The following ICA1 variants were observed in gnomAD, a reference collection of about 807,000 sequenced individuals.
The protein encoded by ICA1 is islet cell autoantigen 1, also known as 69 kDa islet cell autoantigen.
A neutral mutation model predicts 71.0 loss-of-function variants in ICA1; 40 were observed. The ratio of observed to expected loss-of-function variants is 0.56; its 90% confidence interval spans 0.44 to 0.73. The LOEUF (loss-of-function observed/expected upper bound fraction) is 0.73, where lower values mean the gene tolerates loss of function less well. Among genes scored for constraint, ICA1 ranks in the 30% least tolerant of loss-of-function variants. ICA1 has a pLI of 0.00. For missense variants in ICA1, 578 were observed against 576.5 expected (o/e 1.00, Z -0.03); for synonymous variants, 207 against 209.5 (o/e 0.99, Z 0.10).
Position 8,113,610 on chromosome 7 carries a change from G to T in ICA1, c.*313C>A. ...AAACCTACCATCAAAGTAGGCTTCT[G>T]ATTTCAACTTGGATCTCACGGTAGC... On this transcript the variant is annotated 3_prime_UTR_variant, in exon 14 of 14. Transcript: ENST00000402384. This position sits in a 1 kb window ranked among gnomAD's most constrained non-coding sequence, Gnocchi z 4.2. The T allele has an allele frequency of 4.5e-6, 1 of 220,562 alleles. No individual in the cohort carries two copies. Among genetic ancestry groups the T allele is most frequent in the Non-Finnish European group, 9.2e-6 (1 of 108,902 alleles). 13.7% of individuals were successfully genotyped at this position (220,562 alleles called of 1,614,324 possible).
At chr7:8,190,490 T>A (rs1373546808) in intron 6 of ICA1, among the ~76,000 whole-genome samples, 1 of 152,240 alleles carries the variant, frequency 6.6e-6, no homozygotes, top group East Asian at 1.9e-4. Context: ...GTAATACAGT[T>A]AGCTCTTCTG....
chr7:8,257,884 C>A (rs986155575), intron 1 of ICA1, among the ~76,000 whole-genome samples: 2 of 152,168 alleles, frequency 1.3e-5, no homozygotes, highest in Non-Finnish European at 1.5e-5. Context: ...AGACACTGGG[C>A]TCCAGACACG....
intron 6 of ICA1, among the ~76,000 whole-genome samples, chr7:8,181,097 A>G (rs139838648): frequency 2.0e-5 from 3 of 152,086 alleles, no homozygotes; most frequent in Non-Finnish European, 1.5e-5. Context: ...GTTTTAAAAG[A>G]GTTATTGTTC....
rs1160852294 is a variant in ICA1, at chr7:8,129,866, A to G, written c.1061-1724T>C. Among the ~76,000 whole-genome samples the G allele has an allele frequency of 6.8e-5, 4 of 58,414 alleles. No individual in the cohort carries two copies. The East Asian group carries it at 1.8e-3, about 26-fold the overall frequency. The allele number at this position is 58,414 out of a possible 152,430, so 38.3% of individuals were successfully genotyped here. ...TATCCCTCCCCCCTCCCCCCACCCC[A>G]CAACAGTCCCCGGTGTGTGATGTTC... is the stretch of plus-strand genomic sequence containing the variant. On this transcript the variant is annotated intron_variant, in intron 12 of 13. Coordinates refer to ENST00000402384, the MANE Select transcript of ICA1 (RefSeq NM_001136020.3).
rs78952120 is a variant in ICA1 at position 8,182,186 on chromosome 7, T to C, written c.580-23534A>G. 5.0e-3 allele frequency among the ~76,000 whole-genome samples: 760 copies of C among 152,268 alleles called. 5 individuals are homozygous for C. The highest frequency in any genetic ancestry group is 0.017 in the African/African-American group (716 of 41,560). On this transcript the variant is annotated intron_variant, in intron 6 of 13. Coordinates refer to ENST00000402384, the MANE Select transcript of ICA1 (RefSeq NM_001136020.3). ...CACTCTTCAGGCTCAACTTAAATCGTAGAATCTCTGAGAAGCCTATCTGGA... is the reference window on the plus strand; with the variant it reads ...CACTCTTCAGGCTCAACTTAAATCGCAGAATCTCTGAGAAGCCTATCTGGA...
intron 6 of ICA1, among the ~76,000 whole-genome samples, chr7:8,187,557 A>C (rs985931784): frequency 3.3e-5 from 5 of 152,240 alleles, no homozygotes; most frequent in Non-Finnish European, 7.3e-5. Flanking sequence ...CACTAAATTT[A>C]TAACAAATGT....
intron 6 of ICA1, among the ~76,000 whole-genome samples, chr7:8,212,135 C>T (rs1486625730): frequency 1.3e-5 from 2 of 152,090 alleles, no homozygotes; most frequent in African/African-American, 2.4e-5. Flanking sequence ...ATTAGAGCAA[C>T]AGCAACAAGA....
At chr7:8,218,831 G>A in intron 5 of ICA1, 3 of 392,262 alleles carry the variant, frequency 7.6e-6, no homozygotes, top group Non-Finnish European at 1.5e-5. Context: ...ATGGAGGATG[G>A]CCAAGGCATG....
chr7:8,152,672 T>C (rs200395606), intron 8 of ICA1, among the ~76,000 whole-genome samples: 134 of 12,482 alleles, frequency 0.011, no homozygotes, highest in Middle Eastern at 0.05. Context: ...CCACCACCAT[T>C]ATCTCCTTCA....
chr7:8,145,521 T>C (rs957804046), intron 8 of ICA1, among the ~76,000 whole-genome samples: 1 of 152,288 alleles, frequency 6.6e-6, no homozygotes, highest in Admixed American at 6.5e-5. Flanking sequence ...GGAAAGTCTT[T>C]CCATATCCAA....
At chr7:8,246,682 G>A (rs1806146105) in intron 1 of ICA1, among the ~76,000 whole-genome samples, 1 of 152,218 alleles carries the variant, frequency 6.6e-6, no homozygotes, top group African/African-American at 2.4e-5. Flanking sequence ...AGAGAACAGT[G>A]GGGAAGGACA....
chr7:8,181,216 G>A (rs533113576), intron 6 of ICA1, among the ~76,000 whole-genome samples: 80 of 152,194 alleles, frequency 5.3e-4, no homozygotes, highest in Admixed American at 3.6e-3. Flanking sequence ...CTGATCCAGC[G>A]TAATTTTCTA....
intron 6 of ICA1, among the ~76,000 whole-genome samples, chr7:8,166,492 T>A (rs1806032364): frequency 6.6e-6 from 1 of 152,006 alleles, no homozygotes; most frequent in African/African-American, 2.4e-5. Flanking sequence ...AAATATCAAC[T>A]CAAGATGAAT....
At chr7:8,163,721 C>A (rs80155031) in intron 6 of ICA1, among the ~76,000 whole-genome samples, 5,240 of 152,168 alleles carry the variant, frequency 0.034, 147 homozygotes, top group South Asian at 0.13. Context: ...AAAGTGTGTG[C>A]AAGGGTTGTG....
chr7:8,148,099 G>A (rs1797656648), intron 8 of ICA1, among the ~76,000 whole-genome samples: 1 of 152,100 alleles, frequency 6.6e-6, no homozygotes, highest in African/African-American at 2.4e-5. Flanking sequence ...GCTGGGATAG[G>A]CTCCCACCAT....
chr7:8,157,932 C>T (rs889440065), intron 7 of ICA1, among the ~76,000 whole-genome samples: 6 of 151,952 alleles, frequency 3.9e-5, no homozygotes, highest in Admixed American at 1.3e-4. Flanking sequence ...TCAAGTGATC[C>T]GCCTGCCTCG....
In ICA1 at chr7:8,198,895, C is replaced by G. The variant is rs558464465; in HGVS notation, c.579+19410G>C. ...GAGTATATAAGAAGCTCAAATAACT[C>G]AATAGGAAAAAATCTAATAATCTGA... On this transcript the variant is annotated intron_variant, in intron 6 of 13. Coordinates refer to ENST00000402384, the MANE Select transcript of ICA1 (RefSeq NM_001136020.3). 5.5e-4 allele frequency among the ~76,000 whole-genome samples: 83 copies of G among 152,068 alleles called. 1 individual carries two copies. Among genetic ancestry groups the G allele is most frequent in the Middle Eastern group, 6.8e-3 (2 of 294 alleles).
chr7:8,209,749 G>GC (rs1792979624), intron 6 of ICA1, among the ~76,000 whole-genome samples: 1 of 258 alleles, frequency 3.9e-3, no homozygotes, highest in African/African-American at 0.026. Flanking sequence ...AAGGCTCCCT[G>GC]AGGGTCACGT....
chr7:8,176,987 G>A (rs1167311512), intron 6 of ICA1, among the ~76,000 whole-genome samples: 1 of 152,168 alleles, frequency 6.6e-6, no homozygotes, highest in African/African-American at 2.4e-5. Context: ...TCCGAACAGC[G>A]AGATTAACTT....
Sources: allele counts gnomAD v4.1 joint callset (sites outside exome capture counted in the v4.1 genomes callset), GRCh38; gene constraint gnomAD v4.1.1; non-coding constraint Gnocchi (gnomAD v3.1); transcripts MANE v1.5; gene names NCBI Gene and HGNC (gene_info 2026-07-23, HGNC 2026-07-21).